KSR2: variants seen among roughly 807,000 people sequenced by gnomAD.
KSR2 encodes the protein kinase suppressor of ras 2.
In KSR2, 25 loss-of-function variants were observed where a neutral mutation model predicts 107.8. The observed-to-expected ratio is 0.23, with a 90% CI of 0.17 to 0.32. The LOEUF (loss-of-function observed/expected upper bound fraction) is 0.32, where lower values mean the gene tolerates loss of function less well. KSR2 is among the 10% of genes least tolerant of loss of function. The probability of loss-of-function intolerance (pLI) is 1.00; values close to 1 mark genes in which losing one functional copy is unlikely to be tolerated. For missense variants in KSR2, 887 were observed against 1,268.9 expected, an observed-to-expected ratio of 0.70 and a Z score of 4.57; for synonymous variants, 480 against 507.0, an observed-to-expected ratio of 0.95 and a Z score of 0.71.
chr12:117,955,251 T>G (rs562847684), intron 1 of KSR2, among the ~76,000 whole-genome samples: 2 of 152,062 alleles, frequency 1.3e-5, no homozygotes, highest in Admixed American at 1.3e-4. Flanking sequence ...GCCTCCCAGG[T>G]ATCTGGGACC....
At chr12:117,810,682 T>C (rs1048239696) in intron 3 of KSR2, among the ~76,000 whole-genome samples, 1 of 152,170 alleles carries the variant, frequency 6.6e-6, no homozygotes, top group African/African-American at 2.4e-5. Context: ...ATCCTAACAT[T>C]CCAAGCTAAT....
chr12:117,708,266 G>A (rs931227110), intron 4 of KSR2, among the ~76,000 whole-genome samples: 5 of 152,152 alleles, frequency 3.3e-5, no homozygotes, highest in African/African-American at 7.2e-5. Flanking sequence ...AGTCAGATCC[G>A]GAACTTGAGG....
chr12:117,777,616 G>T (rs892568626), intron 3 of KSR2, among the ~76,000 whole-genome samples: 1 of 152,184 alleles, frequency 6.6e-6, no homozygotes, highest in African/African-American at 2.4e-5. Flanking sequence ...CAAATAATGA[G>T]GATCGACTGT....
At chr12:117,889,038 G>A (rs147161076) in intron 1 of KSR2, among the ~76,000 whole-genome samples, 1 of 152,278 alleles carries the variant, frequency 6.6e-6, no homozygotes, top group Non-Finnish European at 1.5e-5. Flanking sequence ...GTCTTATAGT[G>A]TCTGTCTTAC....
chr12:117,517,665 C>T (rs2137216006), intron 14 of KSR2: 7 of 363,058 alleles, frequency 1.9e-5, no homozygotes, highest in South Asian at 1.5e-4. Flanking sequence ...TCCCAGGGTG[C>T]TTTACATTTC....
intron 1 of KSR2, among the ~76,000 whole-genome samples, chr12:117,916,980 G>A (rs1434287000): frequency 6.6e-6 from 1 of 152,158 alleles, no homozygotes; most frequent in Non-Finnish European, 1.5e-5. Context: ...TTCAACCTGG[G>A]CCCTAATGAT....
intron 14 of KSR2, among the ~76,000 whole-genome samples, chr12:117,511,110 G>T (rs1243335007): frequency 1.3e-5 from 2 of 152,162 alleles, no homozygotes; most frequent in East Asian, 3.9e-4. Flanking sequence ...AAAAACTTGT[G>T]TAAGCAAATC....
intron 4 of KSR2, among the ~76,000 whole-genome samples, chr12:117,734,314 C>T (rs918400905): frequency 2.0e-5 from 3 of 150,870 alleles, no homozygotes; most frequent in East Asian, 1.9e-4. Context: ...AGAAACTACA[C>T]GACTACACAG....
At chr12:117,660,483 T>A (rs866447156) in intron 5 of KSR2, among the ~76,000 whole-genome samples, 48 of 152,324 alleles carry the variant, frequency 3.2e-4, no homozygotes, top group African/African-American at 1.1e-3. Flanking sequence ...GGTGCCATCC[T>A]GGTATCTCTG....
chr12:117,707,195 C>T (rs77857304), intron 4 of KSR2, among the ~76,000 whole-genome samples: 1 of 152,072 alleles, frequency 6.6e-6, no homozygotes, highest in African/African-American at 2.4e-5. Flanking sequence ...TCCACAGAGA[C>T]AGCAGATTAG....
chr12:117,670,272 T>C (rs1884849495), intron 4 of KSR2, among the ~76,000 whole-genome samples: 1 of 152,234 alleles, frequency 6.6e-6, no homozygotes, highest in Non-Finnish European at 1.5e-5. Flanking sequence ...ACTGCTTTGA[T>C]TTGAGTGCCA....
intron 3 of KSR2, among the ~76,000 whole-genome samples, chr12:117,782,875 G>C (rs780180095): frequency 3.3e-5 from 5 of 152,258 alleles, no homozygotes; most frequent in Non-Finnish European, 5.9e-5. Flanking sequence ...AGGACATCTA[G>C]ACCCCTCCGC....
At chr12:117,497,678 C>T (rs1288182059) in intron 14 of KSR2, among the ~76,000 whole-genome samples, 3 of 152,174 alleles carry the variant, frequency 2.0e-5, no homozygotes. Context: ...GAATCAGAAC[C>T]ACCTGAGATA....
At chr12:117,642,093 C>G (rs563851072) in intron 5 of KSR2, among the ~76,000 whole-genome samples, 6 of 152,334 alleles carry the variant, frequency 3.9e-5, no homozygotes, top group African/African-American at 1.4e-4. Flanking sequence ...TCGTGGAAGC[C>G]TCCCCTGATC....
chr12:117,815,990 AGTGTGTGTGTGTGTGTGTGTGT>A lies in KSR2; in HGVS notation c.472+39416_472+39437del, dbSNP rs35013081. On this transcript the variant is annotated intron_variant, in intron 3 of 19. Transcript: ENST00000339824. ...ACTCTGTCTCAAAAAAAAAAAATAA[AGTGTGTGTGTGTGTGTGTGTGT>A]GTGTGTGTGTGTGTGTGTGTGTGTG... Among the ~76,000 whole-genome samples the A allele has an allele frequency of 1.1e-3, 127 of 113,622 alleles. 2 individuals carry two copies. The highest frequency in any genetic ancestry group is 5.2e-3 in the Middle Eastern group (1 of 192). The allele number at this position is 113,622 out of a possible 152,430, so 74.5% of individuals were successfully genotyped here.
chr12:117,580,393 G>A (rs566151928), intron 6 of KSR2, among the ~76,000 whole-genome samples: 1 of 152,290 alleles, frequency 6.6e-6, no homozygotes, highest in Admixed American at 6.5e-5. Flanking sequence ...GGGGAATGGC[G>A]GCGAAGGAGC....
rs572506661 is a variant in KSR2 at position 117,826,344 on chromosome 12, T to C, written c.472+29084A>G. On this transcript the variant is annotated intron_variant, in intron 3 of 19. Transcript: ENST00000339824. ...TTTGCAAAGCCCACAGCAGTCCTGC[T>C]GTGCAGCCTCAGCCAGAGCTGTGGC... 2.6e-5 allele frequency among the ~76,000 whole-genome samples: 4 copies of C among 152,192 alleles called. No individual in the cohort carries two copies. The East Asian group carries it at 7.8e-4, about 30-fold the overall frequency.
At chr12:117,739,243 T>A (rs1413728255) in intron 4 of KSR2, among the ~76,000 whole-genome samples, 2 of 151,834 alleles carry the variant, frequency 1.3e-5, no homozygotes, top group Non-Finnish European at 2.9e-5. Flanking sequence ...TAGTCCCAGC[T>A]ACTCGGGAGG....
intron 5 of KSR2, among the ~76,000 whole-genome samples, chr12:117,610,547 A>G (rs1381823061): frequency 6.6e-6 from 1 of 152,210 alleles, no homozygotes; most frequent in South Asian, 2.1e-4. Context: ...CAAGGGTTCA[A>G]GACCAGCCTG....
Sources: gnomAD v4.1 joint callset for allele counts (sites outside exome capture counted in the v4.1 genomes callset) on GRCh38, gnomAD v4.1.1 for gene constraint, MANE v1.5 for transcripts, NCBI Gene and HGNC (gene_info 2026-07-23, HGNC 2026-07-21) for gene names.